LACTB: variants seen among roughly 807,000 people sequenced by gnomAD.
The protein encoded by LACTB is serine beta-lactamase-like protein LACTB, mitochondrial.
A neutral mutation model predicts 50.2 loss-of-function variants in LACTB; 35 were observed. The ratio of observed to expected loss-of-function variants is 0.70; its 90% CI spans 0.53 to 0.92. LACTB has a LOEUF of 0.92. Ranked by LOEUF, LACTB falls within the 40% of genes least tolerant of loss-of-function variation. LACTB has a pLI of 0.00. For missense variants in LACTB, 664 were observed against 691.8 expected (o/e 0.96, Z 0.45); for synonymous variants, 252 against 268.2 (o/e 0.94, Z 0.59).
intron 5 of LACTB, chr15:63,130,627 A>T (rs1282100352): frequency 1.3e-5 from 2 of 151,832 alleles, no homozygotes; most frequent in Non-Finnish European, 2.9e-5. Context: ...TGTCCTTTAT[A>T]GCAAAAGAGC....
chr15:63,141,133 C>G, intron 5 of LACTB, 147 bp from the exon 6 acceptor site: 2 of 1,426,018 alleles, frequency 1.4e-6, no homozygotes, highest in Non-Finnish European at 1.8e-6. Flanking sequence ...CTGAATCATA[C>G]TGAAAATTAG....
Position 63,122,175 on chromosome 15 carries a change from A to C in LACTB, c.304A>C (p.Arg102=). The C allele has an allele frequency of 6.5e-7, 1 of 1,530,140 alleles. No homozygotes were observed. The highest frequency in any genetic ancestry group is 8.7e-7 in the Non-Finnish European group (1 of 1,146,660). 94.8% of individuals were successfully genotyped at this position (1,530,140 alleles called of 1,614,324 possible). The part of the protein sequence containing the change: ...SPQTPAPPCS[R]CFARAIESSR... ...GCAGACCCCGGCGCCGCCCTGCTCC[A>C]GGTGCTTCGCCAGAGCCATCGAGAG... Residue 102 remains arginine, a synonymous_variant, in exon 1 of 6, where the codon AGG becomes CGG. Coordinates refer to ENST00000261893, the MANE Select transcript of LACTB (RefSeq NM_032857.5).
At chr15:63,122,362 C>G in intron 1 of LACTB, 134 bp downstream of exon 1, 1 of 823,334 alleles carries the variant, frequency 1.2e-6, no homozygotes. Flanking sequence ...TTCCCATTTC[C>G]CCACCGCCGA....
chr15:63,141,085 T>TA (rs1443015395), intron 5 of LACTB, 195 bp from the exon 6 acceptor site: 24 of 983,276 alleles, frequency 2.4e-5, no homozygotes, highest in Non-Finnish European at 2.7e-5. Flanking sequence ...AAAAGGTAAT[T>TA]AGACTATCTT....
In LACTB at chr15:63,122,005, G is replaced by A; in HGVS notation, c.134G>A (p.Gly45Glu). The change falls in exon 1 of 6, where the codon GGG becomes GAG. Residue 45 changes from glycine (G) to glutamate (E), a missense_variant. Gly to Glu is a moderately conservative substitution (Grantham distance 98). Coordinates refer to ENST00000261893, the MANE Select transcript of LACTB (RefSeq NM_032857.5). ...GGCCACGGCTGGGTCGGGGGCCTCG[G>A]GCTGGGGCTGGGGCTGGCGCTCGGG... ...PLGHGWVGGLGLGLGLALGVK... is the reference protein window; with the variant it reads ...PLGHGWVGGLELGLGLALGVK... The A allele has an allele frequency of 7.3e-7, 1 of 1,375,038 alleles. No individual in the cohort carries two copies. The highest frequency in any genetic ancestry group is 9.3e-7 in the Non-Finnish European group (1 of 1,073,118). 85.2% of individuals were successfully genotyped at this position (1,375,038 alleles called of 1,614,324 possible). A position where few individuals can be genotyped will look rare whatever the true frequency, so the allele number is the denominator to read the frequency against.
chr15:63,141,749 C>T lies in LACTB; in HGVS notation c.1588C>T (p.Leu530Phe), dbSNP rs749890606. Reference sequence around the variant, plus strand: ...CATATGTAACATGCAATCTGTTGGCCTCAATAGCACCGCTTTGAAGATTGC... The same window carrying T: ...CATATGTAACATGCAATCTGTTGGCTTCAATAGCACCGCTTTGAAGATTGC... Reference protein sequence around the residue: ...SIICNMQSVGLNSTALKIALE... With the variant: ...SIICNMQSVGFNSTALKIALE... The change falls in exon 6 of 6, where the codon CTC becomes TTC. Residue 530 changes from leucine (L) to phenylalanine (F), a missense_variant. Physicochemically the swap from Leu to Phe is conservative, Grantham distance 22. Transcript: ENST00000261893. 3 of 1,614,112 alleles carry T rather than the reference C, an allele frequency of 1.9e-6. No homozygotes were observed. Among genetic ancestry groups the T allele is most frequent in the Non-Finnish European group, 1.7e-6 (2 of 1,180,006 alleles).
At chr15:63,126,725 G>A in intron 2 of LACTB, 134 bp from the exon 3 acceptor site, 1 of 478,302 alleles carries the variant, frequency 2.1e-6, no homozygotes, top group East Asian at 3.3e-5. Context: ...CCAGTGTTAA[G>A]TAACTTATAA....
chr15:63,141,951 G>A lies in LACTB; in HGVS notation c.*146G>A. On this transcript the variant is annotated 3_prime_UTR_variant, in exon 6 of 6. Coordinates refer to ENST00000261893, the MANE Select transcript of LACTB (RefSeq NM_032857.5). ...TATGTACCTCTAATTGCTTAATTTT[G>A]TAATGGTCTTTTATTGTAGAATTGG... 1.6e-6 allele frequency: 1 copy of A among 640,174 alleles called. No homozygotes were observed. Among genetic ancestry groups the A allele is most frequent in the Non-Finnish European group, 2.6e-6 (1 of 384,622 alleles). 39.7% of individuals were successfully genotyped at this position (640,174 alleles called of 1,614,324 possible). A position where few individuals can be genotyped will look rare whatever the true frequency, so the allele number is the denominator to read the frequency against.
chr15:63,122,295 GC>G (rs1161091179), intron 1 of LACTB, 67 bp downstream of exon 1: 8 of 1,346,190 alleles, frequency 5.9e-6, no homozygotes, highest in Non-Finnish European at 7.9e-6. Context: ...GCTGTCGGGG[GC>G]TGAGTGGACC....
At chr15:63,139,551 G>T (rs529660869) in intron 5 of LACTB, among the ~76,000 whole-genome samples, 8 of 152,352 alleles carry the variant, frequency 5.3e-5, no homozygotes, top group South Asian at 4.1e-4. Flanking sequence ...TACTCGGGAG[G>T]CTGAGGCAGG....
At position 63,127,068 on chromosome 15, in the gene LACTB, C is replaced by A; in HGVS notation, c.615+19C>A. 6.6e-7 allele frequency: 1 copy of A among 1,513,794 alleles called. No individual in the cohort carries two copies. Among genetic ancestry groups the A allele is most frequent in the Non-Finnish European group, 9.0e-7 (1 of 1,106,860 alleles). 93.8% of individuals were successfully genotyped at this position (1,513,794 alleles called of 1,614,324 possible). A position where few individuals can be genotyped will look rare whatever the true frequency, so the allele number is the denominator to read the frequency against. ...TGAAAAGGTACTGAAACTCACAGTT[C>A]ATTTTACTAATGGCATGTTAAATGG... On this transcript the variant is annotated intron_variant, in intron 3 of 5. Transcript: ENST00000261893.
At chr15:63,125,181 T>TTA (rs1035572407) in intron 2 of LACTB, among the ~76,000 whole-genome samples, 27 of 150,774 alleles carry the variant, frequency 1.8e-4, no homozygotes, top group East Asian at 1.2e-3. Flanking sequence ...ATTTATTTAT[T>TTA]TTTTTTTTGG....
At chr15:63,136,042 CTT>C (rs55680025) in intron 5 of LACTB, among the ~76,000 whole-genome samples, 3,773 of 132,536 alleles carry the variant, frequency 0.028, 64 homozygotes, top group Non-Finnish European at 0.044. Flanking sequence ...ATTTTCTTTT[CTT>C]TTTTTTTTTT....
At chr15:63,122,813 A>G (rs913226559) in intron 2 of LACTB, 111 bp downstream of exon 2, 23 of 732,000 alleles carry the variant, frequency 3.1e-5, no homozygotes, top group Non-Finnish European at 5.2e-5. Context: ...AAAACGATGC[A>G]TATTGTAGAG....
rs1346572766 is a variant in LACTB at position 63,141,387 on chromosome 15, A to G, written c.1226A>G (p.Lys409Arg). The G allele has an allele frequency of 6.2e-7, 1 of 1,614,062 alleles. No individual in the cohort carries two copies. The highest frequency in any genetic ancestry group is 8.5e-7 in the Non-Finnish European group (1 of 1,180,046). The change falls in exon 6 of 6, where the codon AAA becomes AGA. Residue 409 changes from lysine to arginine, a missense_variant. By Grantham distance (26) the Lys-to-Arg change is conservative. Transcript: ENST00000261893. ...GFLSTVGDLL[K>R]FGNAMLYGYQ... The stretch of plus-strand genomic sequence containing the variant: ...CTGTCTACAGTGGGTGACCTTCTGA[A>G]ATTTGGGAATGCAATGCTTTATGGT...
intron 5 of LACTB, among the ~76,000 whole-genome samples, chr15:63,133,480 C>T (rs1014551207): frequency 7.9e-5 from 12 of 152,130 alleles, no homozygotes; most frequent in African/African-American, 2.6e-4. Context: ...AAAAATTAGG[C>T]GGGCATAGTA....
At position 63,139,620 on chromosome 15, in the gene LACTB, T is replaced by C. The variant is rs1413194031; in HGVS notation, c.1119-1660T>C. 1.2e-4 allele frequency among the ~76,000 whole-genome samples: 18 copies of C among 151,716 alleles called. 1 individual carries two copies. The highest frequency in any genetic ancestry group is 1.2e-3 in the Admixed American group (18 of 15,232). On this transcript the variant is annotated intron_variant, in intron 5 of 5. Coordinates refer to ENST00000261893, the MANE Select transcript of LACTB (RefSeq NM_032857.5). Reference sequence around the variant, plus strand: ...GTGAGCCAAGATCGCGCCATTGCACTCCAGCCTAGGCGATAAGAGTGAAAG... The same window carrying C: ...GTGAGCCAAGATCGCGCCATTGCACCCCAGCCTAGGCGATAAGAGTGAAAG...
At chr15:63,133,550 A>T (rs2037151336) in intron 5 of LACTB, among the ~76,000 whole-genome samples, 1 of 152,184 alleles carries the variant, frequency 6.6e-6, no homozygotes, top group Non-Finnish European at 1.5e-5. Context: ...CTGGAGTTTC[A>T]GGCTGCAGTG....
At chr15:63,128,844 A>G (rs1243792905) in intron 4 of LACTB, among the ~76,000 whole-genome samples, 1 of 152,010 alleles carries the variant, frequency 6.6e-6, no homozygotes, top group East Asian at 1.9e-4. Context: ...CCTGGGTTTA[A>G]GCGATTTTCC....
Sources: allele counts gnomAD v4.1 joint callset (sites outside exome capture counted in the v4.1 genomes callset), GRCh38; gene constraint gnomAD v4.1.1; transcripts MANE v1.5; gene names NCBI Gene and HGNC (gene_info 2026-07-23, HGNC 2026-07-21).